The following ADGRL2 variants were observed in gnomAD, a reference collection of about 807,000 sequenced individuals.
ADGRL2 encodes the protein calcium-independent alpha-latrotoxin receptor 2.
ADGRL2 carries 44 observed loss-of-function variants against 157.4 expected under a neutral mutation model. That is an observed-to-expected ratio of 0.28 (90% CI 0.22 to 0.36). The LOEUF (loss-of-function observed/expected upper bound fraction) is 0.36, where lower values mean the gene tolerates loss of function less well. ADGRL2 is among the 10% of genes least tolerant of loss of function. ADGRL2 has a pLI of 1.00. For missense variants in ADGRL2, 1,510 were observed against 1,768.9 expected (o/e 0.85, Z 2.63); for synonymous variants, 585 against 624.7 (o/e 0.94, Z 0.95).
chr1:81,831,380 A>T (rs2091934081), intron 1 of ADGRL2, among the ~76,000 whole-genome samples: 1 of 152,212 alleles, frequency 6.6e-6, no homozygotes, highest in Non-Finnish European at 1.5e-5. Flanking sequence ...TGTTTAGCTC[A>T]TGTAAACATT....
At chr1:81,827,972 T>C (rs748587490) in intron 1 of ADGRL2, among the ~76,000 whole-genome samples, 2 of 152,240 alleles carry the variant, frequency 1.3e-5, no homozygotes, top group Non-Finnish European at 2.9e-5. Flanking sequence ...CTTAAAATAA[T>C]AGACTAAAGT....
chr1:81,712,718 C>T (rs2083971153), intron 1 of ADGRL2, among the ~76,000 whole-genome samples: 1 of 151,104 alleles, frequency 6.6e-6, no homozygotes, highest in Non-Finnish European at 1.5e-5. Flanking sequence ...AAACACACTG[C>T]CTATCATGCT....
Position 81,647,212 on chromosome 1 carries a change from G to A in ADGRL2, c.-143+66232G>A, listed in dbSNP as rs183508483. 3.3e-5 allele frequency among the ~76,000 whole-genome samples: 5 copies of A among 152,226 alleles called. No homozygotes were observed. In the East Asian group the frequency reaches 7.7e-4, roughly 24 times the overall value. On this transcript the variant is annotated intron_variant, in intron 3 of 24. Coordinates refer to the ADGRL2 transcript ENST00000370721. ...TTTGACAGCATATCACACATAGTAG[G>A]TACTTAATCATTGTATCTCAAATGA...
intron 2 of ADGRL2, among the ~76,000 whole-genome samples, chr1:81,469,537 TC>T (rs2078127530): frequency 1.3e-5 from 2 of 152,166 alleles, no homozygotes; most frequent in African/African-American, 4.8e-5. Flanking sequence ...TTATTCAATT[TC>T]CTATCTTTAG....
chr1:81,434,081 T>C (rs1423022889), intron 1 of ADGRL2, among the ~76,000 whole-genome samples: 1 of 152,186 alleles, frequency 6.6e-6, no homozygotes, highest in Non-Finnish European at 1.5e-5. Flanking sequence ...GTATGCTATC[T>C]CTTCTGCCCC....
At chr1:81,882,279 G>A (rs2094007985) in intron 2 of ADGRL2, among the ~76,000 whole-genome samples, 1 of 152,098 alleles carries the variant, frequency 6.6e-6, no homozygotes, top group Non-Finnish European at 1.5e-5. Context: ...CTTTCTGGCA[G>A]ACCTATTGAA....
At chr1:81,747,701 T>TG (rs373036221) in intron 1 of ADGRL2, among the ~76,000 whole-genome samples, 1 of 147,254 alleles carries the variant, frequency 6.8e-6, no homozygotes, top group Non-Finnish European at 1.5e-5. Context: ...CCTTTAATGT[T>TG]TGTGTGTGTG....
intron 3 of ADGRL2, among the ~76,000 whole-genome samples, chr1:81,933,626 A>G (rs1427797821): frequency 6.6e-6 from 1 of 152,184 alleles, no homozygotes; most frequent in African/African-American, 2.4e-5. Flanking sequence ...TTACACTTTT[A>G]TAATCTTATC....
chr1:81,936,755 A>G lies in ADGRL2; in HGVS notation c.315A>G (p.Val105=), dbSNP rs768624054. ...GCAACAATCGAACACAGTGTATAGT[A>G]GTTACTGGGTCAGATGTGTTTCCTG... ...QRCNNRTQCI[V]VTGSDVFPDP... is the part of the protein sequence containing the mutation. The change falls in exon 4 of 24, where the codon GTA becomes GTG. Residue 105 remains valine (V), a synonymous_variant. Transcript: ENST00000686636. 1.2e-5 allele frequency: 20 copies of G among 1,610,240 alleles called. No homozygotes were observed. The Admixed American group carries it at 3.0e-4, about 24-fold the overall frequency.
At chr1:81,708,354 A>G (rs1160718750) in intron 1 of ADGRL2, among the ~76,000 whole-genome samples, 1 of 152,176 alleles carries the variant, frequency 6.6e-6, no homozygotes, top group Non-Finnish European at 1.5e-5. Context: ...GGTTATTTCC[A>G]ATCACTCAGA....
At chr1:81,837,218 T>TTTTTTTTTTTTTTTTTTTTTTGAGACG (rs2092327807) in intron 2 of ADGRL2, among the ~76,000 whole-genome samples, 161 bp downstream of exon 2, 1 of 152,096 alleles carries the variant, frequency 6.6e-6, no homozygotes, top group Non-Finnish European at 1.5e-5. Context: ...TGAGTTCTTT[T>TTTTTTTTTTTTTTTTTTTTTTGAGACG]GATAACACAG....
chr1:81,972,035 C>T, intron 17 of ADGRL2, 117 bp downstream of exon 17: 2 of 525,908 alleles, frequency 3.8e-6, no homozygotes, highest in Non-Finnish European at 3.3e-6. Context: ...TATAAATATG[C>T]CTGTCTCACA....
At chr1:81,919,277 G>T (rs6690951) in intron 3 of ADGRL2, among the ~76,000 whole-genome samples, 1 of 151,792 alleles carries the variant, frequency 6.6e-6, no homozygotes, top group East Asian at 1.9e-4. Flanking sequence ...ACCCATTTTC[G>T]CAGTTTATGT....
chr1:81,749,202 C>T (rs2085410664), intron 1 of ADGRL2, among the ~76,000 whole-genome samples: 2 of 152,180 alleles, frequency 1.3e-5, no homozygotes, highest in South Asian at 4.1e-4. Flanking sequence ...ATTTTGATTG[C>T]TATCTTTCCA....
intron 2 of ADGRL2, among the ~76,000 whole-genome samples, chr1:81,773,090 T>C (rs1025971307): frequency 1.3e-5 from 2 of 152,182 alleles, no homozygotes; most frequent in Non-Finnish European, 2.9e-5. Flanking sequence ...CTGAGCTAAT[T>C]GTAGTCTGTC....
chr1:81,935,801 T>C (rs1471774776), intron 3 of ADGRL2, among the ~76,000 whole-genome samples: 3 of 151,394 alleles, frequency 2.0e-5, no homozygotes, highest in African/African-American at 7.3e-5. Context: ...ACAAAAGTTA[T>C]GAAAAGACCT....
upstream of ADGRL2, among the ~76,000 whole-genome samples, chr1:81,796,649 T>C (rs2087604211): frequency 6.6e-6 from 1 of 152,216 alleles, no homozygotes; most frequent in African/African-American, 2.4e-5. Flanking sequence ...ATTATGCATA[T>C]ATTAATTAAC....
chr1:81,944,844 T>TA (rs942857268), intron 6 of ADGRL2, among the ~76,000 whole-genome samples: 5 of 152,054 alleles, frequency 3.3e-5, no homozygotes, highest in Non-Finnish European at 7.4e-5. Context: ...ATACATATTT[T>TA]AAGATATGCT....
intron 2 of ADGRL2, among the ~76,000 whole-genome samples, chr1:81,570,464 C>T (rs984613248): frequency 6.6e-6 from 1 of 152,190 alleles, no homozygotes; most frequent in African/African-American, 2.4e-5. Flanking sequence ...TCTCTGATCA[C>T]TGCAACCGCT....
Sources: gnomAD v4.1 joint callset for allele counts (sites outside exome capture counted in the v4.1 genomes callset) on GRCh38, gnomAD v4.1.1 for gene constraint, MANE v1.5 for transcripts, NCBI Gene and HGNC (gene_info 2026-07-23, HGNC 2026-07-21) for gene names.